RASA3: variants seen among roughly 807,000 people sequenced by gnomAD.
RASA3 encodes RAS p21 protein activator 3, also known as ras GTPase-activating protein 3.
A neutral mutation model predicts 110.0 loss-of-function variants in RASA3; 73 were observed. The observed-to-expected ratio is 0.66, with a 90% CI of 0.55 to 0.81. The LOEUF is 0.81. RASA3 is among the 30% of genes least tolerant of loss of function. RASA3 has a pLI of 0.00. For synonymous variants in RASA3, 500 were observed against 451.4 expected, an observed-to-expected ratio of 1.11 and a Z score of -1.37; for missense variants, 976 against 1,113.2, an observed-to-expected ratio of 0.88 and a Z score of 1.75.
intron 4 of RASA3, among the ~76,000 whole-genome samples, chr13:114,037,282 C>A (rs753120091): frequency 6.6e-6 from 1 of 152,164 alleles, no homozygotes; most frequent in African/African-American, 2.4e-5. Context: ...AACAGCCCAT[C>A]GGCAGGTGAC....
intron 1 of RASA3, among the ~76,000 whole-genome samples, chr13:114,125,555 C>T (rs1029220384): frequency 7.2e-5 from 11 of 152,278 alleles, no homozygotes; most frequent in African/African-American, 2.2e-4. Flanking sequence ...AAGATCCAGT[C>T]GCTTCCCACC....
chr13:114,050,747 T>C (rs184379649), intron 3 of RASA3, among the ~76,000 whole-genome samples: 1 of 152,376 alleles, frequency 6.6e-6, no homozygotes, highest in East Asian at 1.9e-4. Context: ...GTTTCTCTCA[T>C]GCCCCCTCTC....
In RASA3 at chr13:113,979,376, G is replaced by A. The variant is rs1244610571; in HGVS notation, c.2476C>T (p.Gln826Ter). ...DKSFQNYIRQ[Q>*]SETSTHSI ...ATGGAATGAGTGGAGGTCTCGGACT[G>A]CTGCCGGATGTAGTTCTGGAAGCTC... Residue 826 changes from glutamine to a stop codon, truncating the protein, a stop_gained, in exon 24 of 24, where the codon CAG becomes TAG. Transcript: ENST00000334062. LOFTEE classifies it high-confidence loss of function. 1.2e-6 allele frequency: 2 copies of A among 1,606,916 alleles called. No homozygotes were observed. Among genetic ancestry groups the A allele is most frequent in the Non-Finnish European group, 1.7e-6 (2 of 1,174,052 alleles).
intron 18 of RASA3, among the ~76,000 whole-genome samples, chr13:114,001,275 C>A (rs2053388220): frequency 6.6e-6 from 1 of 152,176 alleles, no homozygotes; most frequent in Admixed American, 6.5e-5. Flanking sequence ...GGCTCAGGGT[C>A]AGGGAGGGCA....
At position 114,011,503 on chromosome 13, in the gene RASA3, G is replaced by T. The variant is rs2053637100; in HGVS notation, c.1513-255C>A. On this transcript the variant is annotated intron_variant, in intron 15 of 23. Transcript: ENST00000334062. The surrounding 1 kb of genome is among the most constrained non-coding windows in gnomAD (Gnocchi z 4.8). ...CCCACTCTCTCGGCCCAGCGTGCAGGGTGCATCTCAAAGTCGAAAGCATCA... is the reference window on the plus strand; with the variant it reads ...CCCACTCTCTCGGCCCAGCGTGCAGTGTGCATCTCAAAGTCGAAAGCATCA... 6.6e-6 allele frequency among the ~76,000 whole-genome samples: 1 copy of T among 152,194 alleles called. No homozygotes were observed. Among genetic ancestry groups the T allele is most frequent in the South Asian group, 2.1e-4 (1 of 4,818 alleles).
chr13:114,116,631 C>A (rs1410400074), intron 1 of RASA3, among the ~76,000 whole-genome samples: 1 of 152,174 alleles, frequency 6.6e-6, no homozygotes, highest in Non-Finnish European at 1.5e-5. Flanking sequence ...TATTCAATGG[C>A]AGCCTAATAA....
At chr13:114,021,586 TC>T in intron 8 of RASA3, 78 bp from the exon 9 acceptor site, 1 of 1,190,724 alleles carries the variant, frequency 8.4e-7, no homozygotes, top group Non-Finnish European at 1.2e-6. Context: ...CACGCTTTGT[TC>T]CCCCAGGAGC....
Position 114,016,231 on chromosome 13 carries a change from T to C in RASA3, c.1247A>G (p.Lys416Arg). 1 of 1,602,972 alleles carries C rather than the reference T, an allele frequency of 6.2e-7. No individual in the cohort carries two copies. The highest frequency in any genetic ancestry group is 8.5e-7 in the Non-Finnish European group (1 of 1,169,968). Residue 416 changes from lysine (K) to arginine (R), a missense_variant, in exon 13 of 24, where the codon AAG becomes AGG. Physicochemically the swap from Lys to Arg is conservative, Grantham distance 26. Around this residue, in one of 4 missense-constraint regions of RASA3, gnomAD observed 732 missense variants for 779.7 expected, o/e 0.94. Transcript: ENST00000334062. ...SHKPCEIDPV[K>R]LKDGENLENN... is the part of the protein sequence containing the mutation. The stretch of plus-strand genomic sequence containing the variant: ...TTCAAGGTTTTCTCCGTCTTTCAAC[T>C]TCACAGGGTCGATTTCACAGGGTTT...
At chr13:114,036,500 G>A (rs989620141) in intron 4 of RASA3, among the ~76,000 whole-genome samples, 3 of 152,168 alleles carry the variant, frequency 2.0e-5, no homozygotes, top group African/African-American at 7.2e-5. Context: ...TGATGAAACG[G>A]CGGCTCCTGA....
intron 1 of RASA3, among the ~76,000 whole-genome samples, chr13:114,130,713 A>T (rs979075000): frequency 6.6e-6 from 1 of 152,164 alleles, no homozygotes; most frequent in Non-Finnish European, 1.5e-5. Context: ...CCTGGAGTAC[A>T]CAGCGAGCAT....
chr13:114,045,494 C>T (rs1240436380), intron 3 of RASA3, among the ~76,000 whole-genome samples: 1 of 152,146 alleles, frequency 6.6e-6, no homozygotes, highest in Non-Finnish European at 1.5e-5. Context: ...GCAAGAGCTG[C>T]CCGAGACAGG....
intron 8 of RASA3, among the ~76,000 whole-genome samples, chr13:114,024,024 A>G (rs933177101): frequency 6.6e-6 from 1 of 152,242 alleles, no homozygotes; most frequent in African/African-American, 2.4e-5. Flanking sequence ...CCGTCACTCC[A>G]GGTGGATGAA....
intron 1 of RASA3, among the ~76,000 whole-genome samples, chr13:114,101,505 C>T (rs2080059858): frequency 6.6e-6 from 1 of 152,242 alleles, no homozygotes; most frequent in Non-Finnish European, 1.5e-5. Flanking sequence ...CATGGACAAT[C>T]CGAACCTGGA....
At position 114,014,552 on chromosome 13, in the gene RASA3, C is replaced by G. The variant is rs565979892; in HGVS notation, c.1405+657G>C. Among the ~76,000 whole-genome samples the G allele has an allele frequency of 2.0e-4, 30 of 152,278 alleles. No individual in the cohort carries two copies. The highest frequency in any genetic ancestry group is 7.2e-4 in the African/African-American group (30 of 41,566). ...GGCCCTCGCTGAGCCTCTCAGCGCCCCATACATAGCCTGAGTCCTGGCGGG... is the reference window on the plus strand; with the variant it reads ...GGCCCTCGCTGAGCCTCTCAGCGCCGCATACATAGCCTGAGTCCTGGCGGG... On this transcript the variant is annotated intron_variant, in intron 14 of 23. Coordinates refer to ENST00000334062, the MANE Select transcript of RASA3 (RefSeq NM_007368.4). The surrounding 1 kb of genome is among the most constrained non-coding windows in gnomAD (Gnocchi z 4.5).
chr13:114,036,166 G>GACGCTGGCATCTC (rs1290451765), intron 4 of RASA3: 1 of 151,928 alleles, frequency 6.6e-6, no homozygotes, highest in Admixed American at 6.6e-5. Context: ...GCTGGCATCT[G>GACGCTGGCATCTC]ACGCTGGCAT....
chr13:114,078,583 C>G (rs990761952), intron 1 of RASA3, among the ~76,000 whole-genome samples: 1 of 152,244 alleles, frequency 6.6e-6, no homozygotes, highest in Non-Finnish European at 1.5e-5. Context: ...CGCATCGGCT[C>G]TGAAAACTCA....
At chr13:114,108,182 C>G (rs377618732) in intron 1 of RASA3, among the ~76,000 whole-genome samples, 1 of 151,856 alleles carries the variant, frequency 6.6e-6, no homozygotes, top group Non-Finnish European at 1.5e-5. Flanking sequence ...ATCCCCTGTC[C>G]GTCACCCCGC....
At chr13:113,997,381 A>G (rs1489810782) in intron 20 of RASA3, among the ~76,000 whole-genome samples, 2 of 152,168 alleles carry the variant, frequency 1.3e-5, no homozygotes, top group East Asian at 3.9e-4. Context: ...CCACCAAGAA[A>G]GACTAAACGA....
intron 12 of RASA3, among the ~76,000 whole-genome samples, 180 bp from the exon 13 acceptor site, chr13:114,016,451 C>T (rs556782044): frequency 6.6e-6 from 1 of 152,260 alleles, no homozygotes; most frequent in South Asian, 2.1e-4. Flanking sequence ...GACTGCAGGG[C>T]CACCGTGGGG....
Sources: allele counts gnomAD v4.1 joint callset (sites outside exome capture counted in the v4.1 genomes callset), GRCh38; gene constraint gnomAD v4.1.1; regional missense constraint gnomAD v4.1.1; non-coding constraint Gnocchi (gnomAD v3.1); transcripts MANE v1.5; gene names NCBI Gene and HGNC (gene_info 2026-07-23, HGNC 2026-07-21).